The following ARIH1 variants were observed in gnomAD, a reference collection of about 807,000 sequenced individuals.
ARIH1 encodes E3 ubiquitin-protein ligase ARIH1.
Under a neutral mutation model 85.0 loss-of-function variants are expected in ARIH1, and 8 were observed. The ratio of observed to expected loss-of-function variants is 0.09; its 90% CI spans 0.06 to 0.17. ARIH1 has a LOEUF of 0.17. ARIH1 is among the 10% of genes least tolerant of loss of function. The pLI is 1.00. For synonymous variants in ARIH1, 238 were observed against 253.6 expected (o/e 0.94, Z 0.59); for missense variants, 311 against 718.1 (o/e 0.43, Z 6.48).
intron 1 of ARIH1, among the ~76,000 whole-genome samples, chr15:72,482,524 A>T (rs1264200088): frequency 6.6e-6 from 1 of 152,214 alleles, no homozygotes; most frequent in Non-Finnish European, 1.5e-5. Flanking sequence ...GGTAATGGTG[A>T]AATCAGCTAA....
rs535469855 is a variant in ARIH1 at position 72,537,776 on chromosome 15, AGG to A, written c.444-7043_444-7042del. The stretch of plus-strand genomic sequence containing the variant: ...ATTTTTGTTCTTTGTCAGAACTATA[AGG>A]TATAGAATAATTGTGACTTTTGTAG... On this transcript the variant is annotated intron_variant, in intron 2 of 13. Transcript: ENST00000379887. 3.0e-4 allele frequency among the ~76,000 whole-genome samples: 45 copies of A among 152,304 alleles called. 1 individual carries two copies. In the South Asian group the frequency reaches 6.4e-3, roughly 22 times the overall value.
At chr15:72,543,590 T>C (rs1214931120) in intron 2 of ARIH1, among the ~76,000 whole-genome samples, 2 of 152,188 alleles carry the variant, frequency 1.3e-5, no homozygotes, top group African/African-American at 4.8e-5. Flanking sequence ...AGAAGTGATA[T>C]GGTTTGTTCT....
chr15:72,521,455 T>C (rs900121519), intron 2 of ARIH1, among the ~76,000 whole-genome samples: 4 of 152,214 alleles, frequency 2.6e-5, no homozygotes, highest in African/African-American at 7.2e-5. Flanking sequence ...TCAGCTGTTA[T>C]TTGTTCAGCA....
chr15:72,516,766 C>G, intron 1 of ARIH1, among the ~76,000 whole-genome samples: 1 of 152,316 alleles, frequency 6.6e-6, no homozygotes, highest in East Asian at 1.9e-4. Flanking sequence ...ACATTTCTTT[C>G]ATGACACTAT....
chr15:72,600,234 A>G lies in ARIH1; in HGVS notation c.*16942A>G, dbSNP rs1010975348. 2.6e-5 allele frequency: 4 copies of G among 151,950 alleles called. No individual in the cohort carries two copies. Among genetic ancestry groups the G allele is most frequent in the Admixed American group, 2.6e-4 (4 of 15,252 alleles). The allele number at this position is 151,950 out of a possible 1,614,324, so 9.4% of individuals were successfully genotyped here. On this transcript the variant is annotated 3_prime_UTR_variant, in exon 14 of 14. Coordinates refer to ENST00000379887, the MANE Select transcript of ARIH1 (RefSeq NM_005744.5). Reference sequence around the variant, plus strand: ...CCCACCATAAAAATAGATAAATGCCATTTTTTTTGTATGCCCAGCACAGCT... The same window carrying G: ...CCCACCATAAAAATAGATAAATGCCGTTTTTTTTGTATGCCCAGCACAGCT...
chr15:72,518,389 T>C (rs2063984353), intron 2 of ARIH1, among the ~76,000 whole-genome samples: 1 of 152,182 alleles, frequency 6.6e-6, no homozygotes, highest in East Asian at 1.9e-4. Flanking sequence ...CAGTATCTTC[T>C]ACATATATCC....
At position 72,490,478 on chromosome 15, in the gene ARIH1, G is replaced by A. The variant is rs1370059441; in HGVS notation, c.375+15464G>A. 2.0e-5 allele frequency among the ~76,000 whole-genome samples: 3 copies of A among 151,964 alleles called. No individual in the cohort carries two copies. The East Asian group carries it at 5.8e-4, about 30-fold the overall frequency. ...ATTGTGCATTCAAGGGATCTAGGTT[G>A]GCACTCCTTATGAGAATCTAATGCC... On this transcript the variant is annotated intron_variant, in intron 1 of 13. Coordinates refer to ENST00000379887, the MANE Select transcript of ARIH1 (RefSeq NM_005744.5).
At chr15:72,525,424 T>C (rs1216115432) in intron 2 of ARIH1, among the ~76,000 whole-genome samples, 1 of 152,228 alleles carries the variant, frequency 6.6e-6, no homozygotes, top group Non-Finnish European at 1.5e-5. Context: ...AACTAAAATC[T>C]ACAATAAAAT....
chr15:72,522,466 G>C (rs1165997786), intron 2 of ARIH1, among the ~76,000 whole-genome samples: 5 of 152,150 alleles, frequency 3.3e-5, no homozygotes. Flanking sequence ...GTTGTGGTGA[G>C]CTGAGATTGT....
At chr15:72,513,921 G>C (rs2063963232) in intron 1 of ARIH1, among the ~76,000 whole-genome samples, 1 of 146,496 alleles carries the variant, frequency 6.8e-6, no homozygotes, top group African/African-American at 2.6e-5. Context: ...AGGCTGGAAG[G>C]CTGGAGTGCA....
At chr15:72,566,342 T>G in intron 7 of ARIH1, 1 of 505,092 alleles carries the variant, frequency 2.0e-6, no homozygotes, top group Non-Finnish European at 3.5e-6. Flanking sequence ...TTCATGCTTA[T>G]AGTCATTCTT....
At chr15:72,563,036 C>T (rs1344075216) in intron 6 of ARIH1, among the ~76,000 whole-genome samples, 4 of 152,116 alleles carry the variant, frequency 2.6e-5, no homozygotes, top group Non-Finnish European at 4.4e-5. Flanking sequence ...GGAAATCTTG[C>T]ATCATGACCT....
At chr15:72,504,826 A>G (rs2063918158) in intron 1 of ARIH1, among the ~76,000 whole-genome samples, 1 of 152,144 alleles carries the variant, frequency 6.6e-6, no homozygotes, top group Non-Finnish European at 1.5e-5. Flanking sequence ...TGCCTCTATC[A>G]TTGAACTTCA....
At chr15:72,533,632 C>T (rs899667335) in intron 2 of ARIH1, among the ~76,000 whole-genome samples, 3 of 152,136 alleles carry the variant, frequency 2.0e-5, no homozygotes, top group Admixed American at 2.0e-4. Context: ...CATTGAAAGT[C>T]ATATATAAAA....
chr15:72,564,955 A>G (rs2064212916), intron 7 of ARIH1, among the ~76,000 whole-genome samples: 1 of 152,202 alleles, frequency 6.6e-6, no homozygotes, highest in African/African-American at 2.4e-5. Flanking sequence ...TTAGGGGGAC[A>G]CAAACATTTA....
chr15:72,492,377 G>T (rs1327749690), intron 1 of ARIH1, among the ~76,000 whole-genome samples: 1 of 152,162 alleles, frequency 6.6e-6, no homozygotes, highest in Non-Finnish European at 1.5e-5. Flanking sequence ...ACAAATGCTT[G>T]CTTTAAAGGG....
chr15:72,561,340 A>G (rs897247680), intron 5 of ARIH1, 143 bp from the exon 6 acceptor site: 6 of 632,602 alleles, frequency 9.5e-6, no homozygotes, highest in African/African-American at 3.8e-5. Context: ...ATATTTGTTG[A>G]TAGCCTATGT....
intron 2 of ARIH1, among the ~76,000 whole-genome samples, chr15:72,526,904 G>A (rs1243377856): frequency 1.1e-5 from 1 of 91,526 alleles, no homozygotes; most frequent in African/African-American, 3.7e-5. Context: ...TTTCTCTTCT[G>A]TTTTACAAAC....
chr15:72,516,894 A>G (rs1030891911), intron 1 of ARIH1, among the ~76,000 whole-genome samples: 2 of 152,200 alleles, frequency 1.3e-5, no homozygotes, highest in Non-Finnish European at 2.9e-5. Flanking sequence ...AAAATTATAT[A>G]TGAGATAAAA....
Sources: allele counts gnomAD v4.1 joint callset (sites outside exome capture counted in the v4.1 genomes callset), GRCh38; gene constraint gnomAD v4.1.1; transcripts MANE v1.5; gene names NCBI Gene and HGNC (gene_info 2026-07-23, HGNC 2026-07-21).